The following EPHX4 variants were observed in gnomAD, a reference collection of about 807,000 sequenced individuals.
EPHX4 encodes the protein epoxide hydrolase 4.
A neutral mutation model predicts 44.9 loss-of-function variants in EPHX4; 31 were observed. The ratio of observed to expected loss-of-function variants is 0.69; its 90% CI spans 0.52 to 0.93. The LOEUF (loss-of-function observed/expected upper bound fraction) is 0.93, where lower values mean the gene tolerates loss of function less well. Ranked by LOEUF, EPHX4 falls within the 40% of genes least tolerant of loss-of-function variation. EPHX4 has a pLI of 0.00. For missense variants in EPHX4, 373 were observed against 438.1 expected (o/e 0.85, Z 1.33); for synonymous variants, 151 against 159.7 (o/e 0.95, Z 0.41).
At chr1:92,061,686 C>T (rs1647502249) in intron 6 of EPHX4, among the ~76,000 whole-genome samples, 1 of 152,052 alleles carries the variant, frequency 6.6e-6, no homozygotes, top group African/African-American at 2.4e-5. Flanking sequence ...TGAGTTATGC[C>T]ATAAACTAGT....
intron 6 of EPHX4, among the ~76,000 whole-genome samples, chr1:92,062,602 A>G (rs1236321974): frequency 4.0e-5 from 6 of 151,096 alleles, no homozygotes; most frequent in Non-Finnish European, 8.9e-5. Flanking sequence ...AAAAAAAAAA[A>G]AAAAAAAAGA....
chr1:92,061,439 G>A (rs1193123685), intron 6 of EPHX4, among the ~76,000 whole-genome samples: 2 of 151,974 alleles, frequency 1.3e-5, no homozygotes, highest in Non-Finnish European at 2.9e-5. Context: ...TTAATCAATA[G>A]GAGTATAATT....
At chr1:92,048,569 G>C (rs1688614643) in intron 4 of EPHX4, among the ~76,000 whole-genome samples, 1 of 151,968 alleles carries the variant, frequency 6.6e-6, no homozygotes, top group Non-Finnish European at 1.5e-5. Context: ...AAAAACTATA[G>C]TATAACAATG....
intron 2 of EPHX4, among the ~76,000 whole-genome samples, chr1:92,032,891 C>T (rs1434191319): frequency 6.6e-6 from 1 of 152,138 alleles, no homozygotes; most frequent in African/African-American, 2.4e-5. Context: ...ACCTAACCAC[C>T]TCTTAAAGGT....
chr1:92,046,713 C>T (rs1688586846), intron 4 of EPHX4, among the ~76,000 whole-genome samples: 1 of 152,192 alleles, frequency 6.6e-6, no homozygotes, highest in Non-Finnish European at 1.5e-5. Flanking sequence ...CCGCCCGCCT[C>T]AGCCTCCTAA....
At chr1:92,053,531 T>G (rs1323592361) in intron 6 of EPHX4, among the ~76,000 whole-genome samples, 1 of 152,116 alleles carries the variant, frequency 6.6e-6, no homozygotes, top group Non-Finnish European at 1.5e-5. Flanking sequence ...ATTAGAGAAT[T>G]TTCAGAGTAA....
chr1:92,050,378 A>G lies in EPHX4; in HGVS notation c.666A>G (p.Ile222Met), dbSNP rs774488744. 1 of 1,604,462 alleles carries G rather than the reference A, an allele frequency of 6.2e-7. No homozygotes were observed. Among genetic ancestry groups the G allele is most frequent in the South Asian group, 1.1e-5 (1 of 89,000 alleles). Residue 222 changes from isoleucine to methionine, a missense_variant, in exon 5 of 7, where the codon ATA becomes ATG. By Grantham distance (10) the Ile-to-Met change is conservative (BLOSUM62 1). Transcript: ENST00000370383. ...LKSSYYYFFQ[I>M]PWFPEFMFSI... ...CCAGTTATTATTACTTCTTCCAAAT[A>G]CCATGGTTCCCAGAATTTATGTTCT...
intron 2 of EPHX4, among the ~76,000 whole-genome samples, chr1:92,034,048 A>T (rs1480176687): frequency 7.5e-6 from 1 of 132,866 alleles, no homozygotes; most frequent in Non-Finnish European, 1.6e-5. Context: ...GGTGGTACAT[A>T]TCAGGAGGCC....
intron 6 of EPHX4, among the ~76,000 whole-genome samples, chr1:92,060,842 C>A (rs1442591488): frequency 2.0e-5 from 3 of 151,772 alleles, no homozygotes; most frequent in African/African-American, 7.3e-5. Context: ...TGGTTTTGAA[C>A]ATTATTGTGC....
chr1:92,055,684 G>GTT (rs533775754), intron 6 of EPHX4, among the ~76,000 whole-genome samples: 1 of 150,276 alleles, frequency 6.7e-6, no homozygotes, highest in Non-Finnish European at 1.5e-5. Flanking sequence ...TTTGTTTTCT[G>GTT]TTTTTTTTTA....
intron 6 of EPHX4, among the ~76,000 whole-genome samples, chr1:92,056,131 C>T (rs1199055084): frequency 1.3e-5 from 2 of 152,054 alleles, no homozygotes; most frequent in Non-Finnish European, 2.9e-5. Flanking sequence ...TTACATTAGA[C>T]CTCTAGAAGC....
chr1:92,042,615 T>C (rs967177210), intron 2 of EPHX4, among the ~76,000 whole-genome samples: 2 of 151,626 alleles, frequency 1.3e-5, no homozygotes, highest in South Asian at 4.2e-4. Context: ...GTCTCGGCTT[T>C]TTAGGAAACT....
At chr1:92,032,615 T>C in intron 2 of EPHX4, 25 bp downstream of exon 2, 1 of 1,586,664 alleles carries the variant, frequency 6.3e-7, no homozygotes, top group Non-Finnish European at 8.7e-7. Flanking sequence ...TAACATTTAT[T>C]GTTACATTAA....
At chr1:92,053,834 G>A (rs1647305229) in intron 6 of EPHX4, among the ~76,000 whole-genome samples, 1 of 152,160 alleles carries the variant, frequency 6.6e-6, no homozygotes, top group African/African-American at 2.4e-5. Flanking sequence ...TAGGCTAGTT[G>A]ACTTTTGGGT....
chr1:92,052,403 A>C, intron 5 of EPHX4, 107 bp from the exon 6 acceptor site: 1 of 1,019,870 alleles, frequency 9.8e-7, no homozygotes, highest in Non-Finnish European at 1.4e-6. Flanking sequence ...AGCAGAAATT[A>C]GGAGTTGTCA....
At chr1:92,044,351 T>C (rs1456167420) in intron 3 of EPHX4, among the ~76,000 whole-genome samples, 1 of 152,204 alleles carries the variant, frequency 6.6e-6, no homozygotes, top group African/African-American at 2.4e-5. Flanking sequence ...AAATTTGTCA[T>C]CATGAAATTT....
intron 2 of EPHX4, among the ~76,000 whole-genome samples, chr1:92,035,647 A>G (rs148141300): frequency 2.1e-3 from 316 of 152,298 alleles, no homozygotes; most frequent in African/African-American, 7.4e-3. Context: ...ATACATGTGC[A>G]GGACATGCAG....
chr1:92,049,621 G>A (rs1647209089), intron 4 of EPHX4, among the ~76,000 whole-genome samples: 1 of 152,146 alleles, frequency 6.6e-6, no homozygotes, highest in South Asian at 2.1e-4. Context: ...GAGGCCAGAT[G>A]AACAAGGCAT....
intron 4 of EPHX4, among the ~76,000 whole-genome samples, chr1:92,048,713 AT>A (rs1194435958): frequency 7.9e-5 from 12 of 151,916 alleles, no homozygotes; most frequent in Non-Finnish European, 5.9e-5. Flanking sequence ...TTTTTTTCCC[AT>A]TTTTTTAGAG....
Sources: allele counts gnomAD v4.1 joint callset (sites outside exome capture counted in the v4.1 genomes callset), GRCh38; gene constraint gnomAD v4.1.1; transcripts MANE v1.5; gene names NCBI Gene and HGNC (gene_info 2026-07-23, HGNC 2026-07-21).